The following ASH1L variants were observed in gnomAD, a reference collection of about 807,000 sequenced individuals.
The protein encoded by ASH1L is histone-lysine N-methyltransferase ASH1L.
Under a neutral mutation model 269.0 loss-of-function variants are expected in ASH1L, and 23 were observed. That is an observed-to-expected ratio of 0.09 (90% CI 0.06 to 0.12). ASH1L has a LOEUF of 0.12. ASH1L is among the 10% of genes least tolerant of loss of function. ASH1L has a pLI of 1.00. For synonymous variants in ASH1L, 1,187 were observed against 1,253.5 expected, an observed-to-expected ratio of 0.95 and a Z score of 1.12; for missense variants, 2,912 against 3,567.8, an observed-to-expected ratio of 0.82 and a Z score of 4.68.
chr1:155,395,650 C>A, intron 6 of ASH1L, 97 bp from the exon 7 acceptor site: 1 of 703,384 alleles, frequency 1.4e-6, no homozygotes, highest in Non-Finnish European at 2.2e-6. Context: ...GAGAGGGTAC[C>A]AAGTACATTG....
chr1:155,440,229 G>A (rs1182145333), intron 4 of ASH1L, among the ~76,000 whole-genome samples: 1 of 152,006 alleles, frequency 6.6e-6, no homozygotes, highest in East Asian at 1.9e-4. Flanking sequence ...GATTGTTTGA[G>A]CCATGGAGTT....
chr1:155,501,796 G>A (rs988662168), intron 2 of ASH1L, among the ~76,000 whole-genome samples: 3 of 151,980 alleles, frequency 2.0e-5, no homozygotes, highest in Admixed American at 2.0e-4. Context: ...CCAAGTAGCT[G>A]AGACTACAGG....
At chr1:155,562,129 G>A in intron 1 of ASH1L, 24 bp downstream of exon 1, 3 of 1,446,098 alleles carry the variant, frequency 2.1e-6, no homozygotes, top group Non-Finnish European at 1.9e-6. Context: ...AGGCCCGAAT[G>A]CCGGCCCAAA....
chr1:155,531,987 T>A (rs528802269), intron 1 of ASH1L, among the ~76,000 whole-genome samples: 2 of 152,300 alleles, frequency 1.3e-5, no homozygotes, highest in African/African-American at 4.8e-5. Flanking sequence ...ATCTAAACAA[T>A]CTAGGTTTTC....
At chr1:155,562,835 C>T (rs1558230684), upstream of ASH1L, 2 of 512,872 alleles carry the variant, frequency 3.9e-6, no homozygotes, top group Admixed American at 2.4e-5. Context: ...CTCTTCTCTC[C>T]TCCCCCCCCT....
intron 5 of ASH1L, among the ~76,000 whole-genome samples, chr1:155,422,566 T>C (rs567159552): frequency 3.0e-4 from 45 of 151,784 alleles, no homozygotes; most frequent in Non-Finnish European, 5.6e-4. Context: ...CTGCTAATGA[T>C]TTTCTTAATA....
chr1:155,344,314 C>T (rs777921369), intron 21 of ASH1L, 41 bp from the exon 22 acceptor site: 1 of 1,409,364 alleles, frequency 7.1e-7, no homozygotes, highest in Non-Finnish European at 1.0e-6. Flanking sequence ...GCTGGAATTA[C>T]TACATTCAGC....
intron 6 of ASH1L, among the ~76,000 whole-genome samples, chr1:155,414,450 C>G (rs550284863): frequency 2.0e-5 from 3 of 152,192 alleles, no homozygotes; most frequent in African/African-American, 7.2e-5. Flanking sequence ...GCTGGGATTA[C>G]AGGCATGTGC....
chr1:155,345,866 C>G (rs1653262163), intron 21 of ASH1L: 1 of 186,376 alleles, frequency 5.4e-6, no homozygotes, highest in Non-Finnish European at 1.1e-5. Flanking sequence ...GGGTCTTGCT[C>G]TGTCGCCCAG....
At chr1:155,375,773 G>T (rs1042416341) in intron 10 of ASH1L, among the ~76,000 whole-genome samples, 3 of 150,790 alleles carry the variant, frequency 2.0e-5, no homozygotes, top group Non-Finnish European at 4.4e-5. Context: ...ACTCCAGCCT[G>T]GGCAACGAGA....
intron 2 of ASH1L, among the ~76,000 whole-genome samples, chr1:155,485,031 G>T (rs950475607): frequency 6.6e-6 from 1 of 151,500 alleles, no homozygotes; most frequent in East Asian, 1.9e-4. Flanking sequence ...GGCCAAGACG[G>T]GTGGATCACC....
At chr1:155,545,429 A>C (rs567436896) in intron 1 of ASH1L, among the ~76,000 whole-genome samples, 2 of 151,886 alleles carry the variant, frequency 1.3e-5, no homozygotes, top group East Asian at 3.9e-4. Flanking sequence ...TATTATATGA[A>C]GATTTCCTTC....
chr1:155,505,111 C>T (rs939059747), intron 2 of ASH1L, among the ~76,000 whole-genome samples: 32 of 151,888 alleles, frequency 2.1e-4, no homozygotes, highest in Admixed American at 2.1e-3. Flanking sequence ...CCACTGCGCC[C>T]GGCCTCATTA....
Position 155,438,100 on chromosome 1 carries a change from G to A in ASH1L, c.5828+227C>T, listed in dbSNP as rs1233101212. 3.9e-5 allele frequency among the ~76,000 whole-genome samples: 6 copies of A among 152,092 alleles called. No individual in the cohort carries two copies. In the South Asian group the frequency reaches 6.2e-4, roughly 16 times the overall value. ...TCACCTCAAGTGATCCATCCACCTC[G>A]GCCTCCCAAAGTGCTGGGATTACAG... is the stretch of plus-strand genomic sequence containing the variant. On this transcript the variant is annotated intron_variant, in intron 5 of 27. Transcript: ENST00000392403.
intron 4 of ASH1L, among the ~76,000 whole-genome samples, chr1:155,459,513 T>C (rs997669055): frequency 3.9e-5 from 6 of 152,064 alleles, no homozygotes; most frequent in Admixed American, 6.6e-5. Flanking sequence ...ATTTTATATG[T>C]ATCTAAATCT....
chr1:155,471,566 T>C (rs1473210065), intron 3 of ASH1L, among the ~76,000 whole-genome samples: 1 of 152,228 alleles, frequency 6.6e-6, no homozygotes, highest in Non-Finnish European at 1.5e-5. Flanking sequence ...GGGAGGGCAA[T>C]GTGCCCGGAT....
chr1:155,521,370 G>C lies in ASH1L; in HGVS notation c.150C>G (p.Arg50=). ...EKNTKEEEDL[R]KRNRERNIEA... The stretch of plus-strand genomic sequence containing the variant: ...CGATGTTTCTTTCTCGATTCCGTTT[G>C]CGAAGGTCCTCTTCCTCCTTTGTGT... The change falls in exon 2 of 28, where the codon CGC becomes CGG. Residue 50 remains arginine, a synonymous_variant. Transcript: ENST00000392403. 1 of 1,614,074 alleles carries C rather than the reference G, an allele frequency of 6.2e-7. No individual in the cohort carries two copies. The highest frequency in any genetic ancestry group is 8.5e-7 in the Non-Finnish European group (1 of 1,180,024).
Position 155,389,677 on chromosome 1 carries a change from GAAAACA to G in ASH1L, c.6103+5776_6103+5781del, listed in dbSNP as rs556912497. On this transcript the variant is annotated intron_variant, in intron 7 of 27. Coordinates refer to ENST00000392403, the MANE Select transcript of ASH1L (RefSeq NM_018489.3). ...AACAGAGCGAGACTCCATCTCAAAA[GAAAACA>G]AAAACAAAAACAAAACACACATCTA... Among the ~76,000 whole-genome samples, 502 of 151,976 alleles carry G rather than the reference GAAAACA, an allele frequency of 3.3e-3. 3 individuals are homozygous for G. Among genetic ancestry groups the G allele is most frequent in the African/African-American group, 0.012 (485 of 41,494 alleles).
At chr1:155,451,151 C>T (rs1452649254) in intron 4 of ASH1L, among the ~76,000 whole-genome samples, 1 of 148,802 alleles carries the variant, frequency 6.7e-6, no homozygotes, top group Non-Finnish European at 1.5e-5. Flanking sequence ...GAGCTGAGAT[C>T]TCTCCATTGC....
Sources: gnomAD v4.1 joint callset for allele counts (sites outside exome capture counted in the v4.1 genomes callset) on GRCh38, gnomAD v4.1.1 for gene constraint, MANE v1.5 for transcripts, NCBI Gene and HGNC (gene_info 2026-07-23, HGNC 2026-07-21) for gene names.